Variants in STARD13 observed in about 807,000 individuals in gnomAD.
STARD13 encodes stAR-related lipid transfer protein 13.
In STARD13, 62 loss-of-function variants were observed where a neutral mutation model predicts 106.4. The ratio of observed to expected loss-of-function variants is 0.58; its 90% CI spans 0.48 to 0.72. The LOEUF (loss-of-function observed/expected upper bound fraction) is 0.72. STARD13 is among the 30% of genes least tolerant of loss of function. STARD13 has a pLI of 0.00. For synonymous variants in STARD13, 565 were observed against 553.0 expected, an observed-to-expected ratio of 1.02 and a Z score of -0.31; for missense variants, 1,387 against 1,424.0, an observed-to-expected ratio of 0.97 and a Z score of 0.42.
the STARD13 span, among the ~76,000 whole-genome samples, chr13:33,643,159 G>GCACACACACACACACA: frequency 7.9e-5 from 11 of 139,820 alleles, no homozygotes; most frequent in Admixed American, 1.4e-4. Flanking sequence ...CATAGAACAT[G>GCACACACACACACACA]CACACACACA....
intron 1 of STARD13, chr13:33,186,008 G>C: frequency 3.7e-6 from 6 of 1,614,204 alleles, no homozygotes; most frequent in Non-Finnish European, 5.1e-6. Flanking sequence ...GGAGAACTGA[G>C]GAGGGTTCCA....
the STARD13 span, among the ~76,000 whole-genome samples, chr13:33,360,818 C>T: frequency 1.5e-3 from 189 of 129,558 alleles, no homozygotes; most frequent in African/African-American, 5.1e-3. Context: ...TTTTTTGAGA[C>T]GGAGTCTTGC....
At chr13:33,541,343 C>T in the STARD13 span, among the ~76,000 whole-genome samples, 2 of 152,172 alleles carry the variant, frequency 1.3e-5, no homozygotes, top group Non-Finnish European at 2.9e-5. Flanking sequence ...ACCTCTTTCA[C>T]GTGTTTTCTA....
chr13:33,628,639 C>T, the STARD13 span, among the ~76,000 whole-genome samples: 6 of 152,188 alleles, frequency 3.9e-5, no homozygotes, highest in Admixed American at 2.6e-4. Context: ...AGAAGGTACA[C>T]CTGATACACT....
the STARD13 span, among the ~76,000 whole-genome samples, chr13:33,662,796 A>G: frequency 6.6e-6 from 1 of 152,168 alleles, no homozygotes; most frequent in African/African-American, 2.4e-5. Flanking sequence ...AACAGCTACA[A>G]CCCTATTGGT....
chr13:33,598,782 G>A, the STARD13 span, among the ~76,000 whole-genome samples: 29 of 152,270 alleles, frequency 1.9e-4, no homozygotes, highest in Middle Eastern at 3.4e-3. Context: ...CTAAATTACC[G>A]TCCCTAAACT....
At chr13:33,154,784 G>C (rs1019436340) in intron 3 of STARD13, among the ~76,000 whole-genome samples, 1 of 152,136 alleles carries the variant, frequency 6.6e-6, no homozygotes, top group Admixed American at 6.5e-5. Flanking sequence ...AATTTTTCTA[G>C]TGAGAACTGG....
the STARD13 span, among the ~76,000 whole-genome samples, chr13:33,390,777 C>G: frequency 6.6e-6 from 1 of 152,112 alleles, no homozygotes; most frequent in Non-Finnish European, 1.5e-5. Flanking sequence ...CCCTATCCGT[C>G]ATTAAGATGC....
intron 3 of STARD13, among the ~76,000 whole-genome samples, chr13:33,148,181 C>T (rs1027494432): frequency 2.6e-5 from 4 of 152,162 alleles, no homozygotes; most frequent in African/African-American, 7.2e-5. Context: ...AGATTCAACA[C>T]CACAGGCCTG....
the STARD13 span, among the ~76,000 whole-genome samples, chr13:33,619,960 A>G: frequency 0.091 from 13,885 of 152,018 alleles, 1,346 homozygotes; most frequent in African/African-American, 0.24. Flanking sequence ...AAGAGGATGA[A>G]GTGGGAAAAT....
At chr13:33,409,933 C>T in the STARD13 span, among the ~76,000 whole-genome samples, 1 of 152,220 alleles carries the variant, frequency 6.6e-6, no homozygotes, top group Non-Finnish European at 1.5e-5. Context: ...CACAGCTTTT[C>T]CCAGCACATT....
exon 1 of STARD13, chr13:33,350,488 C>T: frequency 6.7e-7 from 1 of 1,481,726 alleles, no homozygotes. Context: ...AGACTCCCGG[C>T]GACTGGAAAG....
chr13:33,579,010 G>T, the STARD13 span, among the ~76,000 whole-genome samples: 1 of 152,032 alleles, frequency 6.6e-6, no homozygotes. Context: ...AATGGATGTT[G>T]GTGTGGATGT....
At chr13:33,417,536 T>C in the STARD13 span, among the ~76,000 whole-genome samples, 1 of 152,190 alleles carries the variant, frequency 6.6e-6, no homozygotes, top group Non-Finnish European at 1.5e-5. Flanking sequence ...CACAAACTGA[T>C]GAACAGATCA....
the STARD13 span, among the ~76,000 whole-genome samples, chr13:33,381,426 T>C: frequency 0.44 from 66,267 of 152,010 alleles, 15,249 homozygotes; most frequent in African/African-American, 0.56. Context: ...CAGAAGAAAA[T>C]GCTCATAGAA....
the STARD13 span, among the ~76,000 whole-genome samples, chr13:33,490,042 A>AT: frequency 2.0e-4 from 31 of 152,066 alleles, no homozygotes; most frequent in African/African-American, 6.8e-4. Context: ...CATTAAGTAA[A>AT]TTTTTTTTAA....
intron 1 of STARD13, among the ~76,000 whole-genome samples, chr13:33,318,149 CA>C (rs146094100): frequency 1.3e-5 from 2 of 152,094 alleles, no homozygotes; most frequent in East Asian, 3.9e-4. Flanking sequence ...ATTATGCTAC[CA>C]AAAAGTAGTA....
the STARD13 span, among the ~76,000 whole-genome samples, chr13:33,523,468 A>C: frequency 1.3e-5 from 2 of 152,158 alleles, no homozygotes; most frequent in Admixed American, 6.5e-5. Flanking sequence ...ATTGTAAAGC[A>C]GACAAGGCAT....
At chr13:33,312,823 T>A (rs1276106806) in intron 1 of STARD13, among the ~76,000 whole-genome samples, 1 of 152,146 alleles carries the variant, frequency 6.6e-6, no homozygotes, top group Non-Finnish European at 1.5e-5. Flanking sequence ...CTTATTCAGA[T>A]CAAAGTAACA....
Sources: gnomAD v4.1 joint callset for allele counts (sites outside exome capture counted in the v4.1 genomes callset) on GRCh38, gnomAD v4.1.1 for gene constraint, MANE v1.5 for transcripts, NCBI Gene and HGNC (gene_info 2026-07-23, HGNC 2026-07-21) for gene names.